The following CENPU variants were observed in gnomAD, a reference collection of about 807,000 sequenced individuals.
The protein encoded by CENPU is KSHV latent nuclear antigen interacting protein 1.
Under a neutral mutation model 56.7 loss-of-function variants are expected in CENPU, and 46 were observed. That is an observed-to-expected ratio of 0.81 (90% CI 0.64 to 1.04). The LOEUF (loss-of-function observed/expected upper bound fraction) is 1.04, where lower values mean the gene tolerates loss of function less well. Among genes scored for constraint, CENPU ranks in the 50% least tolerant of loss-of-function variants. The probability of loss-of-function intolerance (pLI) is 0.00; values close to 1 mark genes in which losing one functional copy is unlikely to be tolerated. For synonymous variants in CENPU, 166 were observed against 163.0 expected (o/e 1.02, Z -0.14); for missense variants, 510 against 490.1 (o/e 1.04, Z -0.38).
At chr4:184,708,065 A>C (rs1348661510) in intron 8 of CENPU, among the ~76,000 whole-genome samples, 1 of 152,032 alleles carries the variant, frequency 6.6e-6, no homozygotes, top group Non-Finnish European at 1.5e-5. Context: ...TCTACTAAAA[A>C]TACAAAAAAT....
At chr4:184,715,923 C>T (rs972138552) in intron 6 of CENPU, among the ~76,000 whole-genome samples, 1 of 143,826 alleles carries the variant, frequency 7.0e-6, no homozygotes. Context: ...TCCATACCTT[C>T]TAGCTTTTTT....
intron 8 of CENPU, 79 bp downstream of exon 8, chr4:184,709,990 TAAC>T (rs1760867736): frequency 3.5e-6 from 2 of 571,976 alleles, no homozygotes; most frequent in South Asian, 3.5e-5. Context: ...AAATAGTACA[TAAC>T]AAAAACTGTA....
intron 1 of CENPU, chr4:184,733,166 C>T (rs902176): frequency 0.18 from 35,043 of 192,008 alleles, 4,496 homozygotes; most frequent in East Asian, 0.72. Context: ...CTGACATTCT[C>T]TTCTAATCCT....
At chr4:184,731,954 CTTT>C (rs1761664641) in intron 1 of CENPU, among the ~76,000 whole-genome samples, 1 of 150,026 alleles carries the variant, frequency 6.7e-6, no homozygotes. Flanking sequence ...TACAATATGT[CTTT>C]CCTAAGAGGG....
chr4:184,710,141 A>G lies in CENPU; in HGVS notation c.728T>C (p.Met243Thr). Reference protein sequence around the residue: ...DIVHIWCPEGMKTSDIKELNI... With the variant: ...DIVHIWCPEGTKTSDIKELNI... ...CAACTCCTTGATGTCACTGGTTTTC[A>G]TTCCTTCTGGACACCAAATGTGCAC... The change falls in exon 8 of 13, where the codon ATG (methionine) becomes ACG (threonine). Residue 243 changes from methionine to threonine, a missense_variant. By Grantham distance (81) the Met-to-Thr change is moderately conservative. Coordinates refer to ENST00000281453, the MANE Select transcript of CENPU (RefSeq NM_024629.4). The G allele has an allele frequency of 6.2e-7, 1 of 1,610,696 alleles. No individual in the cohort carries two copies. The highest frequency in any genetic ancestry group is 8.5e-7 in the Non-Finnish European group (1 of 1,178,158).
chr4:184,708,595 T>C (rs897448549), intron 8 of CENPU, among the ~76,000 whole-genome samples: 2 of 151,940 alleles, frequency 1.3e-5, no homozygotes, highest in African/African-American at 4.8e-5. Flanking sequence ...AAATAAGAAT[T>C]AGATAGACAT....
intron 9 of CENPU, 100 bp downstream of exon 9, chr4:184,702,263 C>T: frequency 7.7e-7 from 1 of 1,298,668 alleles, no homozygotes; most frequent in South Asian, 1.2e-5. Flanking sequence ...AGTTTATTAC[C>T]ATACTGCCAG....
chr4:184,708,179 C>A (rs181133630), intron 8 of CENPU, among the ~76,000 whole-genome samples: 1 of 137,140 alleles, frequency 7.3e-6, no homozygotes, highest in Non-Finnish European at 1.5e-5. Context: ...ACTGAGATCG[C>A]GCTACGGCAC....
chr4:184,724,061 G>A (rs56226009), intron 4 of CENPU, among the ~76,000 whole-genome samples: 26,994 of 151,496 alleles, frequency 0.18, 2,691 homozygotes, highest in African/African-American at 0.26. Flanking sequence ...TCAGGAGATC[G>A]AGACCAGCCT....
At chr4:184,713,568 T>G (rs1760993993) in intron 6 of CENPU, among the ~76,000 whole-genome samples, 1 of 152,206 alleles carries the variant, frequency 6.6e-6, no homozygotes, top group African/African-American at 2.4e-5. Flanking sequence ...AGCTGAACTT[T>G]TATTACTTAA....
intron 6 of CENPU, among the ~76,000 whole-genome samples, chr4:184,714,243 C>G (rs1561136971): frequency 6.6e-6 from 1 of 152,130 alleles, no homozygotes; most frequent in Non-Finnish European, 1.5e-5. Flanking sequence ...CACCAGCAGA[C>G]CTGCCATGAA....
In CENPU at chr4:184,694,679, A is replaced by G. The variant is rs1193073733; in HGVS notation, c.*609T>C. 1 of 1,614,038 alleles carries G rather than the reference A, an allele frequency of 6.2e-7. No homozygotes were observed. Among genetic ancestry groups the G allele is most frequent in the Admixed American group, 1.7e-5 (1 of 60,010 alleles). On this transcript the variant is annotated 3_prime_UTR_variant, in exon 13 of 13. Transcript: ENST00000281453. Reference sequence around the variant, plus strand: ...GCTTATTTTTTAGAAGCTACTGAAGATGCTGAATTAGCTGAAGCTGCAGAG... The same window carrying G: ...GCTTATTTTTTAGAAGCTACTGAAGGTGCTGAATTAGCTGAAGCTGCAGAG...
At chr4:184,702,537 G>A in intron 8 of CENPU, 96 bp from the exon 9 acceptor site, 2 of 733,140 alleles carry the variant, frequency 2.7e-6, no homozygotes, top group East Asian at 2.9e-5. Flanking sequence ...ATACAATTTG[G>A]CATATACCTT....
chr4:184,702,029 G>C, intron 10 of CENPU, 60 bp downstream of exon 10: 1 of 1,097,972 alleles, frequency 9.1e-7, no homozygotes, highest in African/African-American at 1.6e-5. Context: ...TCAAGTCTTC[G>C]CATAACTCTA....
intron 12 of CENPU, among the ~76,000 whole-genome samples, chr4:184,697,401 A>G (rs1760375239): frequency 6.7e-6 from 1 of 148,228 alleles, no homozygotes; most frequent in Non-Finnish European, 1.5e-5. Flanking sequence ...GATGAAATTC[A>G]GCTGTCCGAG....
At chr4:184,695,480 T>C (rs1369369595) in intron 12 of CENPU, 79 bp from the exon 13 acceptor site, 2 of 904,344 alleles carry the variant, frequency 2.2e-6, no homozygotes, top group East Asian at 2.5e-5. Flanking sequence ...TTATGACTAA[T>C]GCAAATTTTG....
intron 8 of CENPU, among the ~76,000 whole-genome samples, chr4:184,709,044 A>G (rs1239420564): frequency 1.3e-5 from 2 of 152,228 alleles, no homozygotes; most frequent in African/African-American, 4.8e-5. Context: ...ACAATATATC[A>G]ACATATTGTT....
At chr4:184,702,909 T>C (rs1248033964) in intron 8 of CENPU, among the ~76,000 whole-genome samples, 1 of 152,232 alleles carries the variant, frequency 6.6e-6, no homozygotes, top group African/African-American at 2.4e-5. Context: ...GATTTTGTTC[T>C]TTTTTATAGC....
chr4:184,732,751 C>G (rs534504732), intron 1 of CENPU, among the ~76,000 whole-genome samples: 4 of 152,270 alleles, frequency 2.6e-5, no homozygotes, highest in African/African-American at 9.6e-5. Flanking sequence ...TGCCTGTAAT[C>G]TCAGCGCTTT....
Sources: allele counts gnomAD v4.1 joint callset (sites outside exome capture counted in the v4.1 genomes callset), GRCh38; gene constraint gnomAD v4.1.1; transcripts MANE v1.5; gene names NCBI Gene and HGNC (gene_info 2026-07-23, HGNC 2026-07-21).